MAPRE3: variants seen among roughly 807,000 people sequenced by gnomAD.
MAPRE3 encodes the protein microtubule-associated protein RP/EB family member 3.
In MAPRE3, 2 loss-of-function variants were observed where a neutral mutation model predicts 30.5. That is an observed-to-expected ratio of 0.07 (90% CI 0.03 to 0.21). MAPRE3 has a LOEUF of 0.21. Ranked by LOEUF, MAPRE3 falls within the 10% of genes least tolerant of loss-of-function variation. MAPRE3 has a pLI of 1.00. For synonymous variants in MAPRE3, 110 were observed against 127.7 expected, an observed-to-expected ratio of 0.86 and a Z score of 0.93; for missense variants, 204 against 351.8, an observed-to-expected ratio of 0.58 and a Z score of 3.36.
At position 27,026,435 on chromosome 2, in the gene MAPRE3, G is replaced by A. The variant is rs2148231801; in HGVS notation, c.*87G>A. ...CACATTATAGTCCTTTCCTAACACG[G>A]TCGGCCGGGTGCTTTGTGTCAGTGC... On this transcript the variant is annotated 3_prime_UTR_variant, in exon 7 of 7. Transcript: ENST00000233121. 1 of 1,179,510 alleles carries A rather than the reference G, an allele frequency of 8.5e-7. No homozygotes were observed. Among genetic ancestry groups the A allele is most frequent in the Non-Finnish European group, 1.2e-6 (1 of 819,650 alleles). 73.1% of individuals were successfully genotyped at this position (1,179,510 alleles called of 1,614,324 possible). A position where few individuals can be genotyped will look rare whatever the true frequency, so the allele number is the denominator to read the frequency against.
At chr2:26,979,149 A>G (rs1256820562) in intron 1 of MAPRE3, among the ~76,000 whole-genome samples, 1 of 152,238 alleles carries the variant, frequency 6.6e-6, no homozygotes. Context: ...GTGCAGGTTG[A>G]TGTGGAGACT....
intron 1 of MAPRE3, chr2:27,011,857 A>G (rs1359297689): frequency 1.3e-5 from 2 of 149,726 alleles, no homozygotes; most frequent in East Asian, 3.9e-4. Flanking sequence ...AAAAAAAAAA[A>G]AAAAAAAGAA....
At chr2:27,004,534 G>A (rs944226331) in intron 1 of MAPRE3, among the ~76,000 whole-genome samples, 4 of 151,862 alleles carry the variant, frequency 2.6e-5, no homozygotes, top group Non-Finnish European at 5.9e-5. Flanking sequence ...CTTTTTCCAC[G>A]TCGAAATACA....
At chr2:27,008,780 A>C (rs1666784893) in intron 1 of MAPRE3, among the ~76,000 whole-genome samples, 1 of 152,208 alleles carries the variant, frequency 6.6e-6, no homozygotes, top group Non-Finnish European at 1.5e-5. Flanking sequence ...TAATCACCCA[A>C]AACTGGAGAC....
chr2:27,020,560 T>C (rs557606177), intron 1 of MAPRE3, among the ~76,000 whole-genome samples: 3 of 152,222 alleles, frequency 2.0e-5, no homozygotes, highest in Non-Finnish European at 4.4e-5. Context: ...GGCTCACTGC[T>C]GGCTCCACTC....
Position 27,026,385 on chromosome 2 carries a change from C to G in MAPRE3, c.*37C>G, listed in dbSNP as rs367680090. On this transcript the variant is annotated 3_prime_UTR_variant, in exon 7 of 7. Transcript: ENST00000233121. The stretch of plus-strand genomic sequence containing the variant: ...GCCCTGGCTGACTGCACAGCTTCCC[C>G]GTGCCTCCCTCCCTGCTCCACTCCC... 7 of 1,546,532 alleles carry G rather than the reference C, an allele frequency of 4.5e-6. No individual in the cohort carries two copies. In the South Asian group the frequency reaches 8.0e-5, roughly 18 times the overall value.
At chr2:27,001,335 A>G (rs1229269579) in intron 1 of MAPRE3, among the ~76,000 whole-genome samples, 1 of 152,212 alleles carries the variant, frequency 6.6e-6, no homozygotes, top group African/African-American at 2.4e-5. Context: ...CATAATGGTT[A>G]GTATTTGGGT....
At chr2:27,025,437 T>C (rs1572776608) in intron 4 of MAPRE3, 146 bp from the exon 5 acceptor site, 3 of 778,968 alleles carry the variant, frequency 3.9e-6, no homozygotes. Context: ...GGCCTAGCTG[T>C]AGATGCCCTT....
chr2:26,971,399 G>T lies in MAPRE3; in HGVS notation c.-8+597G>T, dbSNP rs576695926. On this transcript the variant is annotated intron_variant, in intron 1 of 6. Coordinates refer to ENST00000233121, the MANE Select transcript of MAPRE3 (RefSeq NM_012326.4). ...TTGCAGGGCTTTCCGAATAGATTTG[G>T]CTGGGAAGGGTTCAGCCCCATCGTG... 3.9e-5 allele frequency among the ~76,000 whole-genome samples: 6 copies of T among 152,318 alleles called. No individual in the cohort carries two copies. The East Asian group carries it at 1.2e-3, about 29-fold the overall frequency.
At chr2:27,003,885 G>A (rs1026753118) in intron 1 of MAPRE3, among the ~76,000 whole-genome samples, 3 of 152,252 alleles carry the variant, frequency 2.0e-5, no homozygotes, top group Admixed American at 6.5e-5. Context: ...ACCTATAACC[G>A]TCACTCACTG....
chr2:27,020,129 G>A (rs542827773), intron 1 of MAPRE3, among the ~76,000 whole-genome samples: 1 of 152,142 alleles, frequency 6.6e-6, no homozygotes, highest in Admixed American at 6.5e-5. Context: ...CTTTGGGGTG[G>A]GGACGGCATT....
chr2:26,999,517 G>GTTTTT (rs1558378424), intron 1 of MAPRE3, among the ~76,000 whole-genome samples: 10 of 117,970 alleles, frequency 8.5e-5, no homozygotes, highest in South Asian at 2.8e-4. Flanking sequence ...TTTTTTTTTG[G>GTTTTT]GATGGAGTTT....
intron 1 of MAPRE3, among the ~76,000 whole-genome samples, chr2:27,017,151 G>T (rs533768674): frequency 6.6e-6 from 1 of 152,326 alleles, no homozygotes; most frequent in East Asian, 1.9e-4. Flanking sequence ...AAACAAGGAG[G>T]CTGTTACTTC....
At chr2:27,004,999 A>T (rs186407635) in intron 1 of MAPRE3, among the ~76,000 whole-genome samples, 17 of 152,288 alleles carry the variant, frequency 1.1e-4, no homozygotes, top group African/African-American at 3.1e-4. Context: ...TTTTAAAGAT[A>T]AAAAAATACT....
At chr2:26,975,686 G>A (rs1234092196) in intron 1 of MAPRE3, among the ~76,000 whole-genome samples, 3 of 152,218 alleles carry the variant, frequency 2.0e-5, no homozygotes, top group Admixed American at 1.3e-4. Flanking sequence ...TAAGAAGCAT[G>A]TATGCTTTAG....
intron 1 of MAPRE3, among the ~76,000 whole-genome samples, chr2:27,000,972 C>T (rs555902472): frequency 2.0e-5 from 3 of 152,286 alleles, no homozygotes; most frequent in South Asian, 2.1e-4. Context: ...AAGACATATT[C>T]GCTGTAGAAA....
chr2:27,026,493 GGGGGCAT>G lies in MAPRE3; in HGVS notation c.*151_*157del. On this transcript the variant is annotated 3_prime_UTR_variant, in exon 7 of 7. Coordinates refer to ENST00000233121, the MANE Select transcript of MAPRE3 (RefSeq NM_012326.4). ...CTGGGGAGCCAGGCGAGGGGGGCTT[GGGGGCAT>G]GGGGCCGGAAAGCAGGCAGAAGCCC... is the stretch of plus-strand genomic sequence containing the variant. 1.5e-6 allele frequency: 1 copy of G among 670,484 alleles called. No individual in the cohort carries two copies. Among genetic ancestry groups the G allele is most frequent in the South Asian group, 2.1e-5 (1 of 48,132 alleles). The allele number at this position is 670,484 out of a possible 1,614,324, so 41.5% of individuals were successfully genotyped here. A position where few individuals can be genotyped will look rare whatever the true frequency, so the allele number is the denominator to read the frequency against.
chr2:27,019,529 G>T (rs925046728), intron 1 of MAPRE3, among the ~76,000 whole-genome samples: 1 of 152,190 alleles, frequency 6.6e-6, no homozygotes, highest in Non-Finnish European at 1.5e-5. Flanking sequence ...GACATGGGGC[G>T]CAGGCATTTA....
At chr2:26,976,257 A>C (rs1666011784) in intron 1 of MAPRE3, among the ~76,000 whole-genome samples, 1 of 152,104 alleles carries the variant, frequency 6.6e-6, no homozygotes. Context: ...ATCCTTAAGG[A>C]TTGTTCAGCT....
Sources: allele counts gnomAD v4.1 joint callset (sites outside exome capture counted in the v4.1 genomes callset), GRCh38; gene constraint gnomAD v4.1.1; transcripts MANE v1.5; gene names NCBI Gene and HGNC (gene_info 2026-07-23, HGNC 2026-07-21).